Variants in MYO3B observed in about 807,000 individuals in gnomAD.
The protein encoded by MYO3B is myosin IIIB.
In MYO3B, 156 loss-of-function variants were observed where a neutral mutation model predicts 174.6. The observed-to-expected ratio is 0.89, with a 90% CI of 0.78 to 1.02. The LOEUF is 1.02. Among genes scored for constraint, MYO3B ranks in the 50% least tolerant of loss-of-function variants. The pLI, the probability that MYO3B is intolerant of heterozygous loss-of-function variation, is 0.00. For synonymous variants in MYO3B, 563 were observed against 569.1 expected, an observed-to-expected ratio of 0.99 and a Z score of 0.15; for missense variants, 1,632 against 1,639.4, an observed-to-expected ratio of 1.00 and a Z score of 0.08.
In MYO3B at chr2:170,403,014, G is replaced by A; in HGVS notation, c.2277+19G>A. The A allele has an allele frequency of 1.3e-6, 2 of 1,558,718 alleles. No individual in the cohort carries two copies. Among genetic ancestry groups the A allele is most frequent in the Non-Finnish European group, 1.8e-6 (2 of 1,140,618 alleles). On this transcript the variant is annotated intron_variant, in intron 19 of 34. Coordinates refer to ENST00000408978, the MANE Select transcript of MYO3B (RefSeq NM_138995.5). ...TGAGCAGGTAATAGTGAACTCTGAG[G>A]TAACTAAACTTGATGGGGAAAAGGT...
At position 170,509,311 on chromosome 2, in the gene MYO3B, C is replaced by T. The variant is rs140042109; in HGVS notation, c.3371-5610C>T. On this transcript the variant is annotated intron_variant, in intron 28 of 34. Transcript: ENST00000408978. ...GGCATAGGTTGCAGTGAGCCAAGAT[C>T]GCACCACTGCACTCCAATCTGGGTG... is the stretch of plus-strand genomic sequence containing the variant. Among the ~76,000 whole-genome samples the T allele has an allele frequency of 4.9e-4, 75 of 152,230 alleles. 3 individuals carry two copies. In the East Asian group the frequency reaches 0.012, roughly 24 times the overall value.
At chr2:170,230,668 A>G (rs762086435) in intron 6 of MYO3B, among the ~76,000 whole-genome samples, 12 of 152,174 alleles carry the variant, frequency 7.9e-5, no homozygotes, top group Non-Finnish European at 1.5e-4. Flanking sequence ...TATAGAAATA[A>G]TCCATGCTCT....
At chr2:170,489,870 T>C (rs914937288) in intron 25 of MYO3B, among the ~76,000 whole-genome samples, 32 of 152,134 alleles carry the variant, frequency 2.1e-4, no homozygotes, top group African/African-American at 7.5e-4. Context: ...CCTATAAACA[T>C]GATATCTCTC....
At chr2:170,633,685 C>CTGTT (rs1332738832) in intron 32 of MYO3B, among the ~76,000 whole-genome samples, 1 of 152,296 alleles carries the variant, frequency 6.6e-6, no homozygotes, top group Non-Finnish European at 1.5e-5. Context: ...CAAATTGTCC[C>CTGTT]TGTTTGCAGA....
rs532243904 is a variant in MYO3B at position 170,587,641 on chromosome 2, T to G, written c.3733+43653T>G. Among the ~76,000 whole-genome samples the G allele has an allele frequency of 7.2e-5, 11 of 152,310 alleles. No homozygotes were observed. In the South Asian group the frequency reaches 2.3e-3, roughly 32 times the overall value. On this transcript the variant is annotated intron_variant, in intron 32 of 34. Transcript: ENST00000408978. ...GGGTCTGTATCACATATAGAGAAAC[T>G]TTTAATGACCTGGACTGATGGCCAA...
rs569247729 is a variant in MYO3B at position 170,241,260 on chromosome 2, A to G, written c.749+5124A>G. ...CAATGGTTATTTAGGAGGAAGCAAT[A>G]GAATAGCTGAAGTTCTCTACTTTGG... On this transcript the variant is annotated intron_variant, in intron 7 of 34. Transcript: ENST00000408978. 2.0e-5 allele frequency among the ~76,000 whole-genome samples: 3 copies of G among 152,314 alleles called. No individual in the cohort carries two copies. The East Asian group carries it at 5.8e-4, about 29-fold the overall frequency.
At chr2:170,489,599 C>T (rs1686299644) in intron 25 of MYO3B, among the ~76,000 whole-genome samples, 1 of 150,152 alleles carries the variant, frequency 6.7e-6, no homozygotes, top group African/African-American at 2.5e-5. Context: ...TACATGAGAG[C>T]AATCAGGGTT....
intron 32 of MYO3B, among the ~76,000 whole-genome samples, chr2:170,601,352 C>T (rs1390588697): frequency 6.6e-6 from 1 of 152,124 alleles, no homozygotes; most frequent in Non-Finnish European, 1.5e-5. Flanking sequence ...CAACAAGAAC[C>T]TGCTTTAAAT....
intron 32 of MYO3B, among the ~76,000 whole-genome samples, chr2:170,582,850 C>T (rs1336325938): frequency 6.6e-6 from 1 of 152,108 alleles, no homozygotes; most frequent in Non-Finnish European, 1.5e-5. Context: ...TTCTCTCTCC[C>T]TCTTCCACAG....
At chr2:170,570,534 A>G (rs1692368849) in intron 32 of MYO3B, among the ~76,000 whole-genome samples, 1 of 152,100 alleles carries the variant, frequency 6.6e-6, no homozygotes, top group Admixed American at 6.5e-5. Flanking sequence ...CCAAGATGCA[A>G]CCCAGGCTCT....
intron 32 of MYO3B, among the ~76,000 whole-genome samples, chr2:170,605,825 A>T (rs975430223): frequency 6.6e-6 from 1 of 151,932 alleles, no homozygotes; most frequent in African/African-American, 2.4e-5. Context: ...ATGCTACTGC[A>T]CTCTAGCCTG....
intron 25 of MYO3B, among the ~76,000 whole-genome samples, chr2:170,468,798 A>G (rs1007214068): frequency 2.7e-5 from 4 of 150,424 alleles, no homozygotes; most frequent in African/African-American, 1.0e-4. Flanking sequence ...ATAGTCTCTC[A>G]GAATGTCTAC....
chr2:170,203,233 CAT>C (rs1291891843), intron 3 of MYO3B, among the ~76,000 whole-genome samples: 4 of 152,234 alleles, frequency 2.6e-5, no homozygotes, highest in East Asian at 1.9e-4. Context: ...AAATACCTAA[CAT>C]GTGGTAGCTA....
intron 22 of MYO3B, among the ~76,000 whole-genome samples, chr2:170,410,973 A>G (rs2094542594): frequency 6.6e-6 from 1 of 151,480 alleles, no homozygotes; most frequent in African/African-American, 2.4e-5. Flanking sequence ...ACTTGAGCCC[A>G]GGAGTTCAAG....
At chr2:170,322,141 G>T (rs938841699) in intron 7 of MYO3B, among the ~76,000 whole-genome samples, 7 of 147,470 alleles carry the variant, frequency 4.7e-5, no homozygotes, top group Non-Finnish European at 7.4e-5. Flanking sequence ...AAGAGTAGCA[G>T]CACTATAATA....
At chr2:170,516,956 T>C (rs1023007724) in intron 29 of MYO3B, among the ~76,000 whole-genome samples, 2 of 152,212 alleles carry the variant, frequency 1.3e-5, no homozygotes, top group African/African-American at 4.8e-5. Flanking sequence ...TTCTCTCTCT[T>C]TTTTTTCCTT....
intron 30 of MYO3B, among the ~76,000 whole-genome samples, chr2:170,542,368 G>A (rs531450108): frequency 6.6e-6 from 1 of 152,316 alleles, no homozygotes; most frequent in East Asian, 1.9e-4. Context: ...ATCACTTTAA[G>A]CTTCTTGGTC....
At chr2:170,607,830 G>A (rs1694906087) in intron 32 of MYO3B, among the ~76,000 whole-genome samples, 1 of 152,110 alleles carries the variant, frequency 6.6e-6, no homozygotes, top group South Asian at 2.1e-4. Flanking sequence ...TAATAATGTA[G>A]GTTTCTTTTA....
At chr2:170,592,931 G>T (rs1693906862) in intron 32 of MYO3B, among the ~76,000 whole-genome samples, 1 of 151,482 alleles carries the variant, frequency 6.6e-6, no homozygotes, top group South Asian at 2.1e-4. Context: ...TAGATATCTA[G>T]ATATCTAGAT....
Sources: gnomAD v4.1 joint callset for allele counts (sites outside exome capture counted in the v4.1 genomes callset) on GRCh38, gnomAD v4.1.1 for gene constraint, MANE v1.5 for transcripts, NCBI Gene and HGNC (gene_info 2026-07-23, HGNC 2026-07-21) for gene names.